The following AVEN variants were observed in gnomAD, a reference collection of about 807,000 sequenced individuals.
The protein encoded by AVEN is cell death regulator Aven.
AVEN carries 41 observed loss-of-function variants against 38.1 expected under a neutral mutation model. The ratio of observed to expected loss-of-function variants is 1.08; its 90% confidence interval spans 0.84 to 1.40. The LOEUF is 1.40. AVEN is among the 40% of genes most tolerant of loss of function. AVEN has a pLI of 0.00. For missense variants in AVEN, 605 were observed against 438.8 expected (o/e 1.38, Z -3.38); for synonymous variants, 206 against 171.8 (o/e 1.20, Z -1.56).
At chr15:34,040,898 TA>T (rs60454298), upstream of AVEN, among the ~76,000 whole-genome samples, 71,835 of 144,922 alleles carry the variant, frequency 0.5, 19,796 homozygotes, top group Non-Finnish European at 0.64. Context: ...GGAGACTGTC[TA>T]AAAAAAAAAA....
chr15:34,011,444 A>C (rs1002772591), intron 1 of AVEN, among the ~76,000 whole-genome samples: 4 of 152,236 alleles, frequency 2.6e-5, no homozygotes, highest in African/African-American at 9.6e-5. Flanking sequence ...TATGTGAATT[A>C]TCTCTTGATC....
In AVEN at chr15:34,003,097, T is replaced by C. The variant is rs747276591; in HGVS notation, c.380A>G (p.Glu127Gly). 1 of 1,613,928 alleles carries C rather than the reference T, an allele frequency of 6.2e-7. No individual in the cohort carries two copies. Among genetic ancestry groups the C allele is most frequent in the Non-Finnish European group, 8.5e-7 (1 of 1,179,836 alleles). The change falls in exon 2 of 6, where the codon GAG becomes GGG. Residue 127 changes from glutamate to glycine, a missense_variant. Glu to Gly is a moderately conservative substitution (Grantham distance 98). Transcript: ENST00000306730. ...TGACTCTCCACTTTCATTATTGACC[T>C]CTTTTTCAATATCTTGATATCGATC... ...NWDRYQDIEK[E>G]VNNESGESQR...
At chr15:33,929,115 T>C (rs1250448922) in intron 2 of AVEN, among the ~76,000 whole-genome samples, 1 of 152,142 alleles carries the variant, frequency 6.6e-6, no homozygotes, top group East Asian at 1.9e-4. Flanking sequence ...TGGTGGGGCC[T>C]TAGAACCATG....
chr15:33,887,219 T>C lies in AVEN; in HGVS notation c.446-11224A>G, dbSNP rs376249929. ...ATGGGGTTAGGAAGCAAATACTCTC[T>C]GTGACAAGTTATGGGACCAAACTAC... is the stretch of plus-strand genomic sequence containing the variant. On this transcript the variant is annotated intron_variant, in intron 2 of 5. Transcript: ENST00000306730. Among the ~76,000 whole-genome samples, 20 of 152,280 alleles carry C rather than the reference T, an allele frequency of 1.3e-4. No homozygotes were observed. The East Asian group carries it at 2.7e-3, about 21-fold the overall frequency.
intron 4 of AVEN, chr15:34,064,303 G>A (rs1163204283): frequency 1.2e-6 from 2 of 1,612,282 alleles, no homozygotes; most frequent in Non-Finnish European, 1.7e-6. Context: ...CAGGGGAACA[G>A]CAAGCTACCC....
chr15:33,924,283 T>A (rs1893526491), intron 2 of AVEN, among the ~76,000 whole-genome samples: 1 of 150,756 alleles, frequency 6.6e-6, no homozygotes, highest in South Asian at 2.1e-4. Flanking sequence ...GGCACAAGAA[T>A]CATTTGAACC....
At chr15:33,898,838 G>T (rs1281422591) in intron 2 of AVEN, among the ~76,000 whole-genome samples, 1 of 152,186 alleles carries the variant, frequency 6.6e-6, no homozygotes, top group South Asian at 2.1e-4. Context: ...CTATGGTTCA[G>T]AAGTCCCAGG....
In AVEN at chr15:33,867,725, G is replaced by T. The variant is rs777202554; in HGVS notation, c.743C>A (p.Ala248Asp). 1.4e-5 allele frequency: 23 copies of T among 1,614,170 alleles called. No individual in the cohort carries two copies. Among genetic ancestry groups the T allele is most frequent in the Non-Finnish European group, 1.9e-5 (23 of 1,180,024 alleles). Residue 248 changes from alanine to aspartate, a missense_variant, in exon 5 of 6, where the codon GCT becomes GAT. Physicochemically the swap from Ala to Asp is moderately radical, Grantham distance 126. Coordinates refer to ENST00000306730, the MANE Select transcript of AVEN (RefSeq NM_020371.3). ...GCCCAGCAACACAGGGCAGCCAGCA[G>T]CCACAGATTTCAGCTCAAAGATGGG... Reference protein sequence around the residue: ...RGPIFELKSVAAGCPVLLGKD... With the variant: ...RGPIFELKSVDAGCPVLLGKD...
chr15:33,854,980 G>T (rs1259032110), downstream of AVEN: 15 of 1,441,080 alleles, frequency 1.0e-5, no homozygotes, highest in Middle Eastern at 1.8e-4. Flanking sequence ...ACAGCAGGTA[G>T]TATACAGTAT....
intron 4 of AVEN, among the ~76,000 whole-genome samples, chr15:33,870,368 G>C (rs528628197): frequency 6.6e-6 from 1 of 152,036 alleles, no homozygotes; most frequent in Non-Finnish European, 1.5e-5. Context: ...TTTTATTAAC[G>C]CAAAGCTGAC....
intron 2 of AVEN, among the ~76,000 whole-genome samples, chr15:33,937,163 C>T (rs1272825635): frequency 6.9e-6 from 1 of 144,950 alleles, no homozygotes; most frequent in African/African-American, 2.6e-5. Flanking sequence ...CAAAAACAGA[C>T]ACTCTATCAT....
intron 3 of AVEN, among the ~76,000 whole-genome samples, chr15:33,875,188 G>A (rs1218947447): frequency 6.6e-6 from 1 of 152,152 alleles, no homozygotes; most frequent in East Asian, 1.9e-4. Flanking sequence ...ACGGGCTTCG[G>A]GTCTGCAGCT....
At chr15:33,904,514 C>T (rs1005450538) in intron 2 of AVEN, among the ~76,000 whole-genome samples, 8 of 151,938 alleles carry the variant, frequency 5.3e-5, no homozygotes, top group African/African-American at 1.9e-4. Context: ...CGGGTTCAAA[C>T]GATTCTCCTG....
At chr15:33,860,929 AATGTATGG>A in intron 11 of AVEN, 1 of 575,294 alleles carries the variant, frequency 1.7e-6, no homozygotes, top group Non-Finnish European at 2.9e-6. Context: ...ACTAATAGCC[AATGTATGG>A]CACTACTGAG....
At chr15:33,888,165 T>C (rs1281444223) in intron 2 of AVEN, among the ~76,000 whole-genome samples, 1 of 152,138 alleles carries the variant, frequency 6.6e-6, no homozygotes, top group African/African-American at 2.4e-5. Flanking sequence ...TAACAAAAAT[T>C]TGTTAAGAGC....
chr15:33,999,619 G>A (rs1205012959), intron 2 of AVEN, among the ~76,000 whole-genome samples: 1 of 152,090 alleles, frequency 6.6e-6, no homozygotes, highest in Non-Finnish European at 1.5e-5. Flanking sequence ...GCATTTGCAA[G>A]TGCTCTCTGC....
intron 1 of AVEN, among the ~76,000 whole-genome samples, chr15:34,033,608 T>C (rs1007505275): frequency 6.6e-6 from 1 of 152,102 alleles, no homozygotes; most frequent in African/African-American, 2.4e-5. Flanking sequence ...TGTAGAGTTA[T>C]ATAACATTTT....
Position 34,063,453 on chromosome 15 carries a change from C to T in AVEN, n.1127-21G>A. 6.2e-7 allele frequency: 1 copy of T among 1,613,922 alleles called. No individual in the cohort carries two copies. Among genetic ancestry groups the T allele is most frequent in the Non-Finnish European group, 8.5e-7 (1 of 1,180,048 alleles). On this transcript the variant is annotated intron_variant and non_coding_transcript_variant, in intron 4 of 11. Coordinates refer to the AVEN transcript ENST00000675287. This position sits in a 1 kb window ranked among gnomAD's most constrained non-coding sequence, Gnocchi z 4.1. ...CAAAGCTGAGAAGAGAAAGCCAGCTCATAGGGCTCTGTTCAGATCCTGCTT... is the reference window on the plus strand; with the variant it reads ...CAAAGCTGAGAAGAGAAAGCCAGCTTATAGGGCTCTGTTCAGATCCTGCTT...
chr15:33,904,692 AAAAT>A lies in AVEN; in HGVS notation c.446-28701_446-28698del, dbSNP rs1453595434. On this transcript the variant is annotated intron_variant, in intron 2 of 5. Coordinates refer to ENST00000306730, the MANE Select transcript of AVEN (RefSeq NM_020371.3). ...CCGAGACTGTTTCTTTAAAAAAAAA[AAAAT>A]ATATATATATATATATATATACACA... 3.4e-3 allele frequency among the ~76,000 whole-genome samples: 354 copies of A among 104,592 alleles called. 2 individuals are homozygous for A. Among genetic ancestry groups the A allele is most frequent in the African/African-American group, 6.6e-3 (196 of 29,636 alleles). The allele number at this position is 104,592 out of a possible 152,430, so 68.6% of individuals were successfully genotyped here. A position where few individuals can be genotyped will look rare whatever the true frequency, so the allele number is the denominator to read the frequency against.
Sources: gnomAD v4.1 joint callset for allele counts (sites outside exome capture counted in the v4.1 genomes callset) on GRCh38, gnomAD v4.1.1 for gene constraint, Gnocchi (gnomAD v3.1) non-coding constraint, MANE v1.5 for transcripts, NCBI Gene and HGNC (gene_info 2026-07-23, HGNC 2026-07-21) for gene names.